CDK13: variants seen among roughly 807,000 people sequenced by gnomAD.
The protein encoded by CDK13 is cyclin-dependent kinase 13.
In CDK13, 40 loss-of-function variants were observed where a neutral mutation model predicts 137.6. The observed-to-expected ratio is 0.29, with a 90% CI of 0.23 to 0.38. The LOEUF is 0.38. CDK13 is among the 10% of genes least tolerant of loss of function. The pLI, the probability that CDK13 is intolerant of heterozygous loss-of-function variation, is 1.00. For missense variants in CDK13, 1,704 were observed against 1,951.8 expected, an observed-to-expected ratio of 0.87 and a Z score of 2.39; for synonymous variants, 869 against 760.1, an observed-to-expected ratio of 1.14 and a Z score of -2.36.
intron 1 of CDK13, among the ~76,000 whole-genome samples, chr7:39,965,765 C>G (rs546025701): frequency 3.2e-4 from 48 of 152,264 alleles, no homozygotes; most frequent in South Asian, 1.0e-3. Context: ...CCGGTTGTTC[C>G]TTTCCATGTT....
In CDK13 at chr7:39,951,731, C is replaced by T. The variant is rs1247860765; in HGVS notation, c.1090C>T (p.Arg364Cys). 38 of 1,484,406 alleles carry T rather than the reference C, an allele frequency of 2.6e-5. No individual in the cohort carries two copies. Among genetic ancestry groups the T allele is most frequent in the Non-Finnish European group, 3.2e-5 (36 of 1,128,052 alleles). 92.0% of individuals were successfully genotyped at this position (1,484,406 alleles called of 1,614,324 possible). ...GCCGCGCTCCCCGAGCCCCTACAGTCGCCGCCGCTCCCCCAGCTACAGCCG... is the reference window on the plus strand; with the variant it reads ...GCCGCGCTCCCCGAGCCCCTACAGTTGCCGCCGCTCCCCCAGCTACAGCCG... ...RLPRSPSPYS[R>C]RRSPSYSRHS... Residue 364 changes from arginine (R) to cysteine (C), a missense_variant, in exon 1 of 14, where the codon CGC becomes TGC. Coordinates refer to ENST00000181839, the MANE Select transcript of CDK13 (RefSeq NM_003718.5).
At chr7:39,962,790 T>G (rs1317502373) in intron 1 of CDK13, among the ~76,000 whole-genome samples, 1 of 152,234 alleles carries the variant, frequency 6.6e-6, no homozygotes, top group Non-Finnish European at 1.5e-5. Context: ...CATCTTGAAT[T>G]AATTTTTGTA....
intron 5 of CDK13, among the ~76,000 whole-genome samples, chr7:40,026,368 G>T (rs1043805586): frequency 6.6e-6 from 1 of 151,988 alleles, no homozygotes; most frequent in Non-Finnish European, 1.5e-5. Flanking sequence ...CATTAGCTGA[G>T]CATGGTGGCA....
Position 40,083,810 on chromosome 7 carries a change from CAAGT to C in CDK13, c.3030-4313_3030-4310del, listed in dbSNP as rs1420049184. Among the ~76,000 whole-genome samples the C allele has an allele frequency of 2.0e-5, 3 of 152,142 alleles. No individual in the cohort carries two copies. In the East Asian group the frequency reaches 5.8e-4, roughly 29 times the overall value. ...TTGTTAGATACATTACTAAAGCAATCAAGTAAAGAGTATCAGATTGATCCAATAT... is the reference window on the plus strand; with the variant it reads ...TTGTTAGATACATTACTAAAGCAATCAAAGAGTATCAGATTGATCCAATAT... On this transcript the variant is annotated intron_variant, in intron 11 of 13. Transcript: ENST00000181839.
At chr7:39,996,350 A>G (rs1468327047) in intron 2 of CDK13, among the ~76,000 whole-genome samples, 1 of 152,174 alleles carries the variant, frequency 6.6e-6, no homozygotes, top group East Asian at 1.9e-4. Context: ...TCATTATGAG[A>G]TTCTCTTTCA....
chr7:39,987,209 TA>T (rs1219812879), intron 1 of CDK13: 1 of 162,144 alleles, frequency 6.2e-6, no homozygotes, highest in African/African-American at 2.4e-5. Context: ...CTTCTGAACT[TA>T]CAGTTGAGGA....
chr7:39,986,656 T>A (rs1014158292), intron 1 of CDK13: 1 of 152,212 alleles, frequency 6.6e-6, no homozygotes. Flanking sequence ...ATATGTATAT[T>A]AACTTTTTTA....
intron 1 of CDK13, among the ~76,000 whole-genome samples, chr7:39,972,751 G>A (rs1365547598): frequency 6.6e-6 from 1 of 151,980 alleles, no homozygotes; most frequent in African/African-American, 2.4e-5. Flanking sequence ...TTTTTTTAAT[G>A]CTGCTATGAA....
At chr7:39,974,805 C>G (rs1054469045) in intron 1 of CDK13, among the ~76,000 whole-genome samples, 6 of 152,110 alleles carry the variant, frequency 3.9e-5, no homozygotes, top group Non-Finnish European at 7.3e-5. Flanking sequence ...CTCAGGTGAT[C>G]CACCCACCTT....
chr7:39,983,452 C>G (rs1445983491), intron 1 of CDK13, among the ~76,000 whole-genome samples: 1 of 152,140 alleles, frequency 6.6e-6, no homozygotes, highest in African/African-American at 2.4e-5. Flanking sequence ...CAAAAGTTTT[C>G]TGAGTCTTTA....
At chr7:40,082,424 T>G (rs1786684707) in intron 11 of CDK13, among the ~76,000 whole-genome samples, 1 of 145,048 alleles carries the variant, frequency 6.9e-6, no homozygotes, top group Admixed American at 7.4e-5. Flanking sequence ...AGGCAGAGGT[T>G]GTAGTGAGCC....
chr7:40,052,334 G>A (rs576289249), intron 7 of CDK13, among the ~76,000 whole-genome samples: 3 of 152,056 alleles, frequency 2.0e-5, no homozygotes, highest in Non-Finnish European at 2.9e-5. Context: ...CTGCCACCAC[G>A]CCCAGCTAAT....
At chr7:40,004,888 C>T (rs1311284631) in intron 5 of CDK13, among the ~76,000 whole-genome samples, 1 of 152,150 alleles carries the variant, frequency 6.6e-6, no homozygotes, top group Non-Finnish European at 1.5e-5. Context: ...TCATAAATGC[C>T]TGGCATAGTG....
intron 9 of CDK13, among the ~76,000 whole-genome samples, chr7:40,075,406 C>T (rs765887640): frequency 6.6e-6 from 1 of 151,340 alleles, no homozygotes; most frequent in African/African-American, 2.4e-5. Flanking sequence ...TAGATAAATT[C>T]GGTACTCAGA....
chr7:39,983,961 T>C (rs1302732403), intron 1 of CDK13: 1 of 152,220 alleles, frequency 6.6e-6, no homozygotes, highest in African/African-American at 2.4e-5. Context: ...TCCTCAATAC[T>C]GAACCTTAGT....
chr7:40,025,449 A>C (rs2150500245), intron 5 of CDK13, among the ~76,000 whole-genome samples: 1 of 152,240 alleles, frequency 6.6e-6, no homozygotes, highest in East Asian at 1.9e-4. Context: ...TGTAAATGTA[A>C]ACTTGTAGTT....
chr7:40,081,280 A>G (rs572455790), intron 11 of CDK13, among the ~76,000 whole-genome samples: 17 of 152,314 alleles, frequency 1.1e-4, no homozygotes, highest in African/African-American at 4.1e-4. Context: ...TTGTACCATT[A>G]TTATTGGTAA....
intron 5 of CDK13, among the ~76,000 whole-genome samples, chr7:40,009,805 A>T (rs1440083919): frequency 2.6e-5 from 4 of 152,238 alleles, no homozygotes. Context: ...ATCTTATGAA[A>T]AACAGGGATA....
intron 1 of CDK13, among the ~76,000 whole-genome samples, chr7:39,969,779 T>C (rs1440901646): frequency 6.6e-6 from 1 of 152,202 alleles, no homozygotes; most frequent in East Asian, 1.9e-4. Flanking sequence ...TTGAGTATAC[T>C]TCCATATGTT....
Sources: gnomAD v4.1 joint callset for allele counts (sites outside exome capture counted in the v4.1 genomes callset) on GRCh38, gnomAD v4.1.1 for gene constraint, MANE v1.5 for transcripts, NCBI Gene and HGNC (gene_info 2026-07-23, HGNC 2026-07-21) for gene names.